Variants in GABRB1 observed in about 807,000 individuals in gnomAD.
The protein encoded by GABRB1 is gamma-aminobutyric acid type A receptor subunit beta1.
Under a neutral mutation model 51.6 loss-of-function variants are expected in GABRB1, and 17 were observed. That is an observed-to-expected ratio of 0.33 (90% CI 0.23 to 0.49). The LOEUF is 0.49. Ranked by LOEUF, GABRB1 falls within the 20% of genes least tolerant of loss-of-function variation. The pLI, the probability that GABRB1 is intolerant of heterozygous loss-of-function variation, is 0.99. For missense variants in GABRB1, 410 were observed against 600.6 expected, an observed-to-expected ratio of 0.68 and a Z score of 3.32; for synonymous variants, 247 against 218.9, an observed-to-expected ratio of 1.13 and a Z score of -1.14.
At chr4:47,011,607 A>C (rs1429381444) in intron 1 of GABRB1, among the ~76,000 whole-genome samples, 1 of 152,170 alleles carries the variant, frequency 6.6e-6, no homozygotes, top group Non-Finnish European at 1.5e-5. Context: ...GGTATGTTCC[A>C]GTCATGGTGG....
chr4:47,280,814 ATT>A (rs750413197), intron 4 of GABRB1, among the ~76,000 whole-genome samples: 9 of 124,948 alleles, frequency 7.2e-5, no homozygotes, highest in Admixed American at 8.3e-5. Flanking sequence ...TGTCTGGCTA[ATT>A]TTTTTTTTTT....
At chr4:47,353,916 A>C (rs1383367088) in intron 5 of GABRB1, among the ~76,000 whole-genome samples, 1 of 151,814 alleles carries the variant, frequency 6.6e-6, no homozygotes, top group African/African-American at 2.4e-5. Flanking sequence ...ACTCTCCCAC[A>C]TTTCCCTGCC....
intron 3 of GABRB1, among the ~76,000 whole-genome samples, chr4:47,115,235 C>A (rs541240791): frequency 1.3e-5 from 2 of 152,250 alleles, no homozygotes; most frequent in South Asian, 2.1e-4. Context: ...TATCCCCAGG[C>A]TTTTTCCTAG....
chr4:47,148,469 A>G (rs1255908556), intron 3 of GABRB1, among the ~76,000 whole-genome samples: 5 of 152,088 alleles, frequency 3.3e-5, no homozygotes, highest in Non-Finnish European at 5.9e-5. Context: ...GCACATAACA[A>G]TATTTGCCTT....
At chr4:47,215,164 G>A (rs1720505229) in intron 4 of GABRB1, among the ~76,000 whole-genome samples, 1 of 152,038 alleles carries the variant, frequency 6.6e-6, no homozygotes, top group South Asian at 2.1e-4. Context: ...ATGGCTGCTG[G>A]ATGGGACACC....
At chr4:47,100,395 CT>C (rs1714671236) in intron 3 of GABRB1, among the ~76,000 whole-genome samples, 1 of 152,026 alleles carries the variant, frequency 6.6e-6, no homozygotes, top group Non-Finnish European at 1.5e-5. Flanking sequence ...GGTTAAACCT[CT>C]TGAGGAAAAG....
At chr4:47,349,287 G>C (rs143805727) in intron 5 of GABRB1, among the ~76,000 whole-genome samples, 1 of 152,066 alleles carries the variant, frequency 6.6e-6, no homozygotes. Flanking sequence ...GGGAATTTCA[G>C]TATTTAATAA....
At position 47,031,992 on chromosome 4, in the gene GABRB1, G is replaced by A. The variant is rs1237644579; in HGVS notation, c.159G>A (p.Arg53=). Residue 53 remains arginine, a synonymous_variant, in exon 2 of 9, where the codon CGG becomes CGA. Coordinates refer to ENST00000295454, the MANE Select transcript of GABRB1 (RefSeq NM_000812.4). The stretch of plus-strand genomic sequence containing the variant: ...TCAAAGGATATGACATTCGCTTGCG[G>A]CCGGACTTCGGAGGTAACGCTTCAT... ...RLLKGYDIRL[R]PDFGGPPVDV... The A allele has an allele frequency of 6.2e-7, 1 of 1,613,026 alleles. No homozygotes were observed. Among genetic ancestry groups the A allele is most frequent in the Non-Finnish European group, 8.5e-7 (1 of 1,179,820 alleles).
chr4:47,179,110 C>T (rs1718832353), intron 4 of GABRB1, among the ~76,000 whole-genome samples: 1 of 152,018 alleles, frequency 6.6e-6, no homozygotes, highest in Admixed American at 6.6e-5. Flanking sequence ...TGTTATCTCT[C>T]CCCTAGCCCC....
chr4:47,105,702 G>A (rs986214479), intron 3 of GABRB1, among the ~76,000 whole-genome samples: 2 of 152,050 alleles, frequency 1.3e-5, no homozygotes, highest in Non-Finnish European at 2.9e-5. Context: ...AGAAACATCC[G>A]AGTGAGCCTT....
intron 1 of GABRB1, among the ~76,000 whole-genome samples, chr4:47,003,209 C>T (rs1724283560): frequency 1.3e-5 from 2 of 152,090 alleles, no homozygotes; most frequent in Non-Finnish European, 2.9e-5. Flanking sequence ...TTTTATCTAC[C>T]TGGAAAACAC....
intron 1 of GABRB1, among the ~76,000 whole-genome samples, chr4:47,007,866 GTATA>G (rs1165939097): frequency 0.02 from 986 of 49,960 alleles, 89 homozygotes; most frequent in African/African-American, 0.071. Flanking sequence ...CTTGGAACTG[GTATA>G]TATATATATA....
At chr4:47,309,790 TTC>T (rs1724601499) in intron 4 of GABRB1, among the ~76,000 whole-genome samples, 1 of 152,142 alleles carries the variant, frequency 6.6e-6, no homozygotes. Context: ...GGGTCATTTT[TTC>T]TCTCATCTAT....
chr4:47,356,081 A>G (rs1296687176), intron 5 of GABRB1, among the ~76,000 whole-genome samples: 1 of 152,232 alleles, frequency 6.6e-6, no homozygotes, highest in African/African-American at 2.4e-5. Flanking sequence ...TAGGCATTCA[A>G]TAGATTATTG....
chr4:47,162,756 G>A (rs527637917), intron 4 of GABRB1, among the ~76,000 whole-genome samples: 1 of 152,154 alleles, frequency 6.6e-6, no homozygotes, highest in Non-Finnish European at 1.5e-5. Context: ...AGTGCACTTA[G>A]AAGTCAACTC....
chr4:47,425,630 A>C (rs370083281), intron 8 of GABRB1, 44 bp from the exon 9 acceptor site: 2 of 1,451,396 alleles, frequency 1.4e-6, no homozygotes. Flanking sequence ...AAAACAGGCA[A>C]AGGTCCTGCA....
chr4:47,372,084 T>C (rs991266071), intron 5 of GABRB1, among the ~76,000 whole-genome samples: 3 of 152,218 alleles, frequency 2.0e-5, no homozygotes, highest in African/African-American at 7.2e-5. Context: ...TTACTTCAAG[T>C]CTTTAATCCA....
intron 3 of GABRB1, among the ~76,000 whole-genome samples, chr4:47,160,151 G>A (rs569038689): frequency 2.0e-5 from 3 of 152,234 alleles, no homozygotes; most frequent in South Asian, 4.1e-4. Flanking sequence ...CAATATTCCT[G>A]TCTCTAACTG....
Position 47,288,323 on chromosome 4 carries a change from C to T in GABRB1, c.462-31804C>T, listed in dbSNP as rs184333003. ...TGTCGCCCAGGCTGGAGTGCAGTGG[C>T]GCGATCTCGGCTCACTGCAACCTCT... On this transcript the variant is annotated intron_variant, in intron 4 of 8. Transcript: ENST00000295454. Among the ~76,000 whole-genome samples the T allele has an allele frequency of 5.3e-5, 8 of 151,820 alleles. No individual in the cohort carries two copies. In the East Asian group the frequency reaches 1.4e-3, roughly 26 times the overall value.
Sources: allele counts gnomAD v4.1 joint callset (sites outside exome capture counted in the v4.1 genomes callset), GRCh38; gene constraint gnomAD v4.1.1; transcripts MANE v1.5; gene names NCBI Gene and HGNC (gene_info 2026-07-23, HGNC 2026-07-21).